ATP2A3: variants seen among roughly 807,000 people sequenced by gnomAD.
The protein encoded by ATP2A3 is ATPase sarcoplasmic/endoplasmic reticulum Ca2+ transporting 3, also known as sarcoplasmic/endoplasmic reticulum calcium ATPase 3.
Under a neutral mutation model 106.8 loss-of-function variants are expected in ATP2A3, and 61 were observed. That is an observed-to-expected ratio of 0.57 (90% CI 0.46 to 0.71). The LOEUF (loss-of-function observed/expected upper bound fraction) is 0.71. Among genes scored for constraint, ATP2A3 ranks in the 30% least tolerant of loss-of-function variants. The pLI is 0.00. For missense variants in ATP2A3, 1,201 were observed against 1,423.5 expected (o/e 0.84, Z 2.52); for synonymous variants, 611 against 609.3 (o/e 1.00, Z -0.04).
rs2052910655 is a variant in ATP2A3, at chr17:3,929,361, C to T, written c.2829G>A (p.Leu943=). Residue 943 remains leucine, a synonymous_variant, in exon 19 of 21, where the codon CTG becomes CTA. Coordinates refer to ENST00000397041, the MANE Select transcript of ATP2A3 (RefSeq NM_005173.4). This position sits in a 1 kb window ranked among gnomAD's most constrained non-coding sequence, Gnocchi z 4.3. ...LLVAVAMSMA[L]HFLILLVPPL... ...GCGGCACGAGCAGGATGAGGAAGTG[C>T]AGGGCCATGGACATGGCCACAGCCA... 2 of 1,561,564 alleles carry T rather than the reference C, an allele frequency of 1.3e-6. No individual in the cohort carries two copies. Among genetic ancestry groups the T allele is most frequent in the Non-Finnish European group, 1.7e-6 (2 of 1,153,850 alleles).
At chr17:3,938,304 C>G (rs1005076071) in intron 14 of ATP2A3, among the ~76,000 whole-genome samples, 2 of 152,042 alleles carry the variant, frequency 1.3e-5, no homozygotes, top group Non-Finnish European at 2.9e-5. Flanking sequence ...CGCAGTGGCG[C>G]GTGCCTATGA....
At position 3,953,141 on chromosome 17, in the gene ATP2A3, G is replaced by A; in HGVS notation, c.219+206C>T. ...GGATAAGATGGATTGGAGGGGTCAG[G>A]TGGGAGCCGGGGACCCAATGTAGGG... is the stretch of plus-strand genomic sequence containing the variant. On this transcript the variant is annotated intron_variant, in intron 3 of 20. Coordinates refer to ENST00000397041, the MANE Select transcript of ATP2A3 (RefSeq NM_005173.4). This position sits in a 1 kb window ranked among gnomAD's most constrained non-coding sequence, Gnocchi z 5.1. 1 of 622,192 alleles carries A rather than the reference G, an allele frequency of 1.6e-6. No individual in the cohort carries two copies. Among genetic ancestry groups the A allele is most frequent in the Non-Finnish European group, 2.9e-6 (1 of 346,554 alleles). 38.5% of individuals were successfully genotyped at this position (622,192 alleles called of 1,614,324 possible).
At position 3,929,276 on chromosome 17, in the gene ATP2A3, A is replaced by C. The variant is rs1263213893; in HGVS notation, c.2862+52T>G. ...GCCAGAGAGGTCCAGTGACCAGCCC[A>C]GGGCCTGTGATGTCCAGGGACCAGG... On this transcript the variant is annotated intron_variant, in intron 19 of 20. Coordinates refer to ENST00000397041, the MANE Select transcript of ATP2A3 (RefSeq NM_005173.4). This position sits in a 1 kb window ranked among gnomAD's most constrained non-coding sequence, Gnocchi z 4.3. 5.4e-6 allele frequency: 8 copies of C among 1,470,622 alleles called. No homozygotes were observed. The East Asian group carries it at 2.0e-4, about 36-fold the overall frequency. The allele number at this position is 1,470,622 out of a possible 1,614,324, so 91.1% of individuals were successfully genotyped here. A position where few individuals can be genotyped will look rare whatever the true frequency, so the allele number is the denominator to read the frequency against.
Position 3,924,730 on chromosome 17 carries a change from A to G in ATP2A3, c.*692T>C, listed in dbSNP as rs925180770. The G allele has an allele frequency of 5.9e-5, 27 of 456,298 alleles. No individual in the cohort carries two copies. Among genetic ancestry groups the G allele is most frequent in the Admixed American group, 1.2e-4 (5 of 42,536 alleles). The allele number at this position is 456,298 out of a possible 1,614,324, so 28.3% of individuals were successfully genotyped here. ...AGGCTTTCCCGACTTGTCTCCCGGGAAAGGACATCCTCGCTCCGCCCTCCT... is the reference window on the plus strand; with the variant it reads ...AGGCTTTCCCGACTTGTCTCCCGGGGAAGGACATCCTCGCTCCGCCCTCCT... On this transcript the variant is annotated 3_prime_UTR_variant, in exon 21 of 21. Coordinates refer to ENST00000397041, the MANE Select transcript of ATP2A3 (RefSeq NM_005173.4). This position sits in a 1 kb window ranked among gnomAD's most constrained non-coding sequence, Gnocchi z 6.4.
chr17:3,939,830 C>T (rs1425484064), intron 14 of ATP2A3, among the ~76,000 whole-genome samples: 3 of 119,196 alleles, frequency 2.5e-5, no homozygotes, highest in Non-Finnish European at 5.2e-5. Flanking sequence ...TCTGATACGA[C>T]AAGGCAGATA....
Position 3,937,615 on chromosome 17 carries a change from C to A in ATP2A3, c.2122G>T (p.Ala708Ser), listed in dbSNP as rs545439476. 6.2e-7 allele frequency: 1 copy of A among 1,613,846 alleles called. No individual in the cohort carries two copies. Among genetic ancestry groups the A allele is most frequent in the Admixed American group, 1.7e-5 (1 of 59,986 alleles). Residue 708 changes from alanine (A) to serine (S), a missense_variant, in exon 15 of 21, where the codon GCA becomes TCA. This residue lies in a region of ATP2A3 where 935 missense variants were observed against 1,176.7 expected (regional missense o/e 0.79). Coordinates refer to ENST00000397041, the MANE Select transcript of ATP2A3 (RefSeq NM_005173.4). ...ATCTCTGCTTTCTTCAGGGCTGGTG[C>A]GTCGTTCACTCCATCGCCAGTCTGT... is the stretch of plus-strand genomic sequence containing the variant. ...TAMTGDGVND[A>S]PALKKAEIGI...
In ATP2A3 at chr17:3,928,198, C is replaced by T. The variant is rs73328990; in HGVS notation, c.2980+465G>A. The T allele has an allele frequency of 0.011, 17,763 of 1,611,130 alleles. 1,667 individuals are homozygous for T. In the African/African-American group the frequency reaches 0.21, roughly 19 times the overall value. On this transcript the variant is annotated intron_variant, in intron 20 of 20. Coordinates refer to ENST00000397041, the MANE Select transcript of ATP2A3 (RefSeq NM_005173.4). This position sits in a 1 kb window ranked among gnomAD's most constrained non-coding sequence, Gnocchi z 6.1. ...CAGAGCTGTGAGCTCAGAAACAACC[C>T]TCCCCTTGACCCACCCACAAGGTGA...
intron 5 of ATP2A3, among the ~76,000 whole-genome samples, chr17:3,951,011 C>A (rs1169610580): frequency 6.6e-6 from 1 of 151,830 alleles, no homozygotes; most frequent in East Asian, 1.9e-4. Flanking sequence ...ATGACGGAGG[C>A]ACAGAGAGGG....
intron 7 of ATP2A3, among the ~76,000 whole-genome samples, chr17:3,949,532 G>GC (rs1224880603): frequency 6.6e-6 from 1 of 152,182 alleles, no homozygotes; most frequent in Non-Finnish European, 1.5e-5. Flanking sequence ...GGGAGGCTCT[G>GC]CCCTTCTCCA....
In ATP2A3 at chr17:3,937,436, G is replaced by T; in HGVS notation, c.2301C>A (p.Ser767=). The T allele has an allele frequency of 6.2e-7, 1 of 1,612,832 alleles. No individual in the cohort carries two copies. Among genetic ancestry groups the T allele is most frequent in the Non-Finnish European group, 8.5e-7 (1 of 1,179,120 alleles). The stretch of plus-strand genomic sequence containing the variant: ...CTCACCAGACGACCTCGCCAACATT[G>T]GAGGAGATGAGGTAGCGGATGAATT... The part of the protein sequence containing the change: ...MKQFIRYLIS[S]NVGEVVCIFL... The change falls in exon 15 of 21, where the codon TCC becomes TCA. Residue 767 remains serine, a synonymous_variant. Coordinates refer to ENST00000397041, the MANE Select transcript of ATP2A3 (RefSeq NM_005173.4).
In ATP2A3 at chr17:3,947,476, G is replaced by A. The variant is rs199619924; in HGVS notation, c.1010C>T (p.Pro337Leu). 22 of 1,613,654 alleles carry A rather than the reference G, an allele frequency of 1.4e-5. No homozygotes were observed. The highest frequency in any genetic ancestry group is 2.2e-5 in the East Asian group (1 of 44,900). ...ARKNAIVRSL[P>L]SVETLGCTSV... ...GGTGCAGCCCAGGGTCTCCACGGAC[G>A]GCAGGCTTCGCACGATGGCGTTCTT... The change falls in exon 8 of 21, where the codon CCG becomes CTG. Residue 337 changes from proline to leucine, a missense_variant. Physicochemically the swap from Pro to Leu is moderately conservative, Grantham distance 98. Transcript: ENST00000397041. The surrounding 1 kb of genome is among the most constrained non-coding windows in gnomAD (Gnocchi z 7.7).
intron 9 of ATP2A3, 126 bp downstream of exon 9, chr17:3,944,934 C>T (rs1296419153): frequency 2.3e-6 from 3 of 1,333,160 alleles, no homozygotes; most frequent in South Asian, 3.1e-5. Context: ...CGCCTCCTGG[C>T]CCCGCCCCGG....
Position 3,941,241 on chromosome 17 carries a change from G to A in ATP2A3, c.1830C>T (p.Cys610=), listed in dbSNP as rs2053752964. 1 of 1,614,052 alleles carries A rather than the reference G, an allele frequency of 6.2e-7. No homozygotes were observed. The highest frequency in any genetic ancestry group is 8.5e-7 in the Non-Finnish European group (1 of 1,180,026). ...LDPPRPEVAA[C]ITRCYQAGIR... ...TGCCCGCCTGGTAGCAGCGTGTGAT[G>A]CAGGCAGCCACCTCAGGTCGCGGCG... The change falls in exon 14 of 21, where the codon TGC becomes TGT. Residue 610 remains cysteine (C), a synonymous_variant. Coordinates refer to ENST00000397041, the MANE Select transcript of ATP2A3 (RefSeq NM_005173.4).
intron 6 of ATP2A3, 46 bp downstream of exon 6, chr17:3,950,647 C>G: frequency 1.2e-6 from 2 of 1,613,752 alleles, no homozygotes; most frequent in Non-Finnish European, 1.7e-6. Context: ...ACGCCCATCC[C>G]TTAGTCCTGG....
intron 9 of ATP2A3, 90 bp downstream of exon 9, chr17:3,944,970 C>G (rs2054022623): frequency 2.3e-6 from 3 of 1,316,386 alleles, no homozygotes; most frequent in Non-Finnish European, 9.9e-7. Flanking sequence ...CTGGCCCGCC[C>G]CCAGGGGCCT....
At chr17:3,933,902 C>A (rs2053266339) in intron 17 of ATP2A3, among the ~76,000 whole-genome samples, 1 of 151,010 alleles carries the variant, frequency 6.6e-6, no homozygotes, top group East Asian at 1.9e-4. Context: ...GCAAGACCCC[C>A]TTTGGTTTGG....
In ATP2A3 at chr17:3,941,201, T is replaced by C. The variant is rs1235388060; in HGVS notation, c.1870A>G (p.Ile624Val). ...GCAGTGCCTTTGTTATCCCCCGTGA[T>C]CATGACCACGCGGATGCCCGCCTGG... ...CYQAGIRVVM[I>V]TGDNKGTAVA... The change falls in exon 14 of 21, where the codon ATC becomes GTC. Residue 624 changes from isoleucine to valine, a missense_variant. Around this residue, in one of 2 missense-constraint regions of ATP2A3, gnomAD observed 935 missense variants for 1,176.7 expected, o/e 0.79. Transcript: ENST00000397041. 1.9e-6 allele frequency: 3 copies of C among 1,614,020 alleles called. No individual in the cohort carries two copies. In the African/African-American group the frequency reaches 4.0e-5, roughly 22 times the overall value.
intron 1 of ATP2A3, among the ~76,000 whole-genome samples, chr17:3,961,435 G>A (rs1369106620): frequency 6.6e-6 from 1 of 151,680 alleles, no homozygotes; most frequent in Non-Finnish European, 1.5e-5. Context: ...TGTGAGTGGA[G>A]GGGGTCCCTG....
intron 16 of ATP2A3, among the ~76,000 whole-genome samples, chr17:3,935,577 G>A (rs1006995193): frequency 5.1e-5 from 7 of 136,986 alleles, no homozygotes; most frequent in Non-Finnish European, 9.1e-5. Context: ...TCACTCTGTC[G>A]CCCAGGCTGG....
Sources: allele counts gnomAD v4.1 joint callset (sites outside exome capture counted in the v4.1 genomes callset), GRCh38; gene constraint gnomAD v4.1.1; regional missense constraint gnomAD v4.1.1; non-coding constraint Gnocchi (gnomAD v3.1); transcripts MANE v1.5; gene names NCBI Gene and HGNC (gene_info 2026-07-23, HGNC 2026-07-21).